RBFOX1: variants seen among roughly 807,000 people sequenced by gnomAD.
RBFOX1 encodes the protein RNA binding protein fox-1 homolog 1.
In RBFOX1, 8 loss-of-function variants were observed where a neutral mutation model predicts 57.7. The ratio of observed to expected loss-of-function variants is 0.14; its 90% confidence interval spans 0.08 to 0.25. The LOEUF (loss-of-function observed/expected upper bound fraction) is 0.25. Ranked by LOEUF, RBFOX1 falls within the 10% of genes least tolerant of loss-of-function variation. The pLI is 1.00. For missense variants in RBFOX1, 611 were observed against 548.5 expected (o/e 1.11, Z -1.14); for synonymous variants, 326 against 222.4 (o/e 1.47, Z -4.15).
At chr16:5,895,484 A>G (rs2058142401) in intron 4 of RBFOX1, among the ~76,000 whole-genome samples, 1 of 152,224 alleles carries the variant, frequency 6.6e-6, no homozygotes, top group South Asian at 2.1e-4. Flanking sequence ...CGTGATTGAA[A>G]TACCAGTGCC....
At chr16:5,919,681 C>T (rs778395523) in intron 4 of RBFOX1, among the ~76,000 whole-genome samples, 4 of 152,094 alleles carry the variant, frequency 2.6e-5, no homozygotes, top group African/African-American at 9.7e-5. Flanking sequence ...GTATTTAGTG[C>T]ATTCACAAGG....
chr16:5,984,022 C>A (rs1341361595), intron 4 of RBFOX1, among the ~76,000 whole-genome samples: 3 of 136,420 alleles, frequency 2.2e-5, no homozygotes, highest in African/African-American at 8.5e-5. Context: ...CCTTTTCTTC[C>A]TTCTTCCTTC....
intron 4 of RBFOX1, among the ~76,000 whole-genome samples, chr16:7,223,274 G>C (rs1243702483): frequency 6.6e-6 from 1 of 152,228 alleles, no homozygotes; most frequent in African/African-American, 2.4e-5. Context: ...CATAGGTCCA[G>C]GTGAAACCCT....
At chr16:6,998,563 A>G (rs541804031) in intron 3 of RBFOX1, among the ~76,000 whole-genome samples, 1 of 152,328 alleles carries the variant, frequency 6.6e-6, no homozygotes, top group African/African-American at 2.4e-5. Context: ...TGTATTGAAG[A>G]ACCAAAATAG....
intron 5 of RBFOX1, among the ~76,000 whole-genome samples, chr16:7,537,781 C>G (rs1181011754): frequency 6.6e-6 from 1 of 152,160 alleles, no homozygotes; most frequent in Non-Finnish European, 1.5e-5. Flanking sequence ...CGCCTCCACC[C>G]CAGTGCAGAT....
intron 2 of RBFOX1, among the ~76,000 whole-genome samples, chr16:5,501,198 A>G (rs754478992): frequency 2.0e-5 from 3 of 151,610 alleles, no homozygotes; most frequent in Non-Finnish European, 4.4e-5. Context: ...GGTGCCTGTA[A>G]TCCCAGCTAC....
chr16:7,312,885 G>A (rs76703523), intron 4 of RBFOX1, among the ~76,000 whole-genome samples: 3 of 149,910 alleles, frequency 2.0e-5, no homozygotes, highest in African/African-American at 7.4e-5. Flanking sequence ...CGTCACCCAG[G>A]AGAGTCTGGG....
intron 3 of RBFOX1, among the ~76,000 whole-genome samples, chr16:6,939,105 T>C (rs1295079224): frequency 6.6e-6 from 1 of 152,092 alleles, no homozygotes; most frequent in Non-Finnish European, 1.5e-5. Flanking sequence ...GAAGAAACAG[T>C]GGCCCAGAAA....
chr16:6,920,035 T>C lies in RBFOX1; in HGVS notation c.-15-132022T>C, dbSNP rs373708273. On this transcript the variant is annotated intron_variant, in intron 3 of 15. Coordinates refer to ENST00000550418, the MANE Select transcript of RBFOX1 (RefSeq NM_018723.4). ...CCCTTATAAGACGGAAAATATGATA[T>C]TTGTTTTTCCGTTCCTGAGTTACTT... Among the ~76,000 whole-genome samples, 35 of 152,220 alleles carry C rather than the reference T, an allele frequency of 2.3e-4. 1 individual carries two copies. The highest frequency in any genetic ancestry group is 4.8e-4 in the African/African-American group (20 of 41,544).
Position 5,946,807 on chromosome 16 carries a change from A to G in RBFOX1, c.351+79472A>G, listed in dbSNP as rs1208376369. ...GTGGATCATGTCAGAATTGAACTGT[A>G]GGACACCCAGTTGGTGATGGCAGAG... On this transcript the variant is annotated intron_variant, in intron 4 of 19. Transcript: ENST00000641259. The surrounding 1 kb of genome is among the most constrained non-coding windows in gnomAD (Gnocchi z 4.6). Among the ~76,000 whole-genome samples, 2 of 152,212 alleles carry G rather than the reference A, an allele frequency of 1.3e-5. No homozygotes were observed. The highest frequency in any genetic ancestry group is 6.5e-5 in the Admixed American group (1 of 15,276).
chr16:7,326,174 T>G (rs1171851183), intron 4 of RBFOX1, among the ~76,000 whole-genome samples: 1 of 152,122 alleles, frequency 6.6e-6, no homozygotes, highest in Admixed American at 6.6e-5. Flanking sequence ...CAGTCCTGGG[T>G]GAATGGCAGG....
At chr16:7,043,168 C>T (rs139560125) in intron 3 of RBFOX1, among the ~76,000 whole-genome samples, 1 of 152,260 alleles carries the variant, frequency 6.6e-6, no homozygotes, top group East Asian at 1.9e-4. Context: ...TCAAGGGTCT[C>T]AGCTCCAGAA....
intron 3 of RBFOX1, among the ~76,000 whole-genome samples, chr16:6,713,224 T>C (rs1490674359): frequency 6.6e-6 from 1 of 151,724 alleles, no homozygotes; most frequent in East Asian, 1.9e-4. Flanking sequence ...CAGGATAATC[T>C]TTTCCTTCTC....
At chr16:5,424,316 G>C (rs1381175983) in intron 1 of RBFOX1, among the ~76,000 whole-genome samples, 2 of 152,186 alleles carry the variant, frequency 1.3e-5, no homozygotes, top group African/African-American at 4.8e-5. Flanking sequence ...CACTGATTCA[G>C]AGTTCATTGA....
chr16:7,081,147 G>A (rs545048393), intron 4 of RBFOX1, among the ~76,000 whole-genome samples: 5 of 152,134 alleles, frequency 3.3e-5, no homozygotes, highest in Non-Finnish European at 7.4e-5. Context: ...CGATTCTCCT[G>A]CCTCAGCCTC....
At chr16:7,318,741 A>G (rs1216943724) in intron 4 of RBFOX1, among the ~76,000 whole-genome samples, 2 of 152,188 alleles carry the variant, frequency 1.3e-5, no homozygotes, top group African/African-American at 4.8e-5. Flanking sequence ...TTTTTATAGC[A>G]GGCTGAAAAG....
At chr16:5,774,363 A>G (rs990543388) in intron 3 of RBFOX1, among the ~76,000 whole-genome samples, 1 of 152,190 alleles carries the variant, frequency 6.6e-6, no homozygotes, top group East Asian at 1.9e-4. Context: ...ATCATTTCTT[A>G]TGGTGATAGG....
chr16:6,813,133 A>C (rs2089179994), intron 3 of RBFOX1, among the ~76,000 whole-genome samples: 1 of 151,922 alleles, frequency 6.6e-6, no homozygotes, highest in Admixed American at 6.6e-5. Flanking sequence ...CTAAGTTTTC[A>C]GGCCTCACCT....
At chr16:5,534,573 G>C (rs2044620782) in intron 2 of RBFOX1, among the ~76,000 whole-genome samples, 2 of 152,180 alleles carry the variant, frequency 1.3e-5, no homozygotes, top group Non-Finnish European at 2.9e-5. Flanking sequence ...GCAGGAGAAA[G>C]ATGAAAGCCA....
Sources: allele counts gnomAD v4.1 joint callset (sites outside exome capture counted in the v4.1 genomes callset), GRCh38; gene constraint gnomAD v4.1.1; non-coding constraint Gnocchi (gnomAD v3.1); transcripts MANE v1.5; gene names NCBI Gene and HGNC (gene_info 2026-07-23, HGNC 2026-07-21).